Variants in HERC2 observed in about 807,000 individuals in gnomAD.
The protein encoded by HERC2 is E3 ubiquitin-protein ligase HERC2.
HERC2 carries 102 observed loss-of-function variants against 537.7 expected under a neutral mutation model. The observed-to-expected ratio is 0.19, with a 90% CI of 0.16 to 0.22. The LOEUF (loss-of-function observed/expected upper bound fraction) is 0.22, where lower values mean the gene tolerates loss of function less well. HERC2 is among the 10% of genes least tolerant of loss of function. HERC2 has a pLI of 1.00. For missense variants in HERC2, 4,236 were observed against 6,198.2 expected, an observed-to-expected ratio of 0.68 and a Z score of 10.63; for synonymous variants, 2,224 against 2,466.2, an observed-to-expected ratio of 0.90 and a Z score of 2.91.
At chr15:28,318,201 A>G (rs1376279943) in intron 2 of HERC2, among the ~76,000 whole-genome samples, 2 of 152,190 alleles carry the variant, frequency 1.3e-5, no homozygotes, top group African/African-American at 2.4e-5. Context: ...CAATCACATC[A>G]GATTACAAGT....
chr15:28,159,827 G>T (rs1268222175), intron 69 of HERC2, among the ~76,000 whole-genome samples: 2 of 152,182 alleles, frequency 1.3e-5, no homozygotes, highest in Non-Finnish European at 2.9e-5. Context: ...AGAATTTTCA[G>T]TTTTTCTGCT....
intron 3 of HERC2, among the ~76,000 whole-genome samples, chr15:28,295,423 T>A (rs189450547): frequency 6.6e-6 from 1 of 152,182 alleles, no homozygotes; most frequent in African/African-American, 2.4e-5. Flanking sequence ...GTATTTTACT[T>A]TTGTTGTTCT....
Position 28,268,325 on chromosome 15 carries a change from A to G in HERC2, c.1598+140T>C. ...TAAGCCATCACCAAGGAGGAGGCAT[A>G]TCGTAGTGTCCTGCTCCATCCCAGC... On this transcript the variant is annotated intron_variant, in intron 12 of 92. Transcript: ENST00000261609. The surrounding 1 kb of genome is among the most constrained non-coding windows in gnomAD (Gnocchi z 4.7). The G allele has an allele frequency of 1.5e-6, 1 of 662,976 alleles. No individual in the cohort carries two copies. The highest frequency in any genetic ancestry group is 2.4e-6 in the Non-Finnish European group (1 of 409,038). The allele number at this position is 662,976 out of a possible 1,614,324, so 41.1% of individuals were successfully genotyped here.
Position 28,121,338 on chromosome 15 carries a change from T to C in HERC2, c.13272+8A>G, listed in dbSNP as rs377265260. ...TGTCAGACTTGGAGAGTAATCTCCA[T>C]GTGCTACCTGGATGCGGTTCAGCTC... On this transcript the variant is annotated splice_region_variant and intron_variant, in intron 86 of 92. Coordinates refer to ENST00000261609, the MANE Select transcript of HERC2 (RefSeq NM_004667.6). 58 of 1,609,322 alleles carry C rather than the reference T, an allele frequency of 3.6e-5. No individual in the cohort carries two copies. The highest frequency in any genetic ancestry group is 5.3e-5 in the African/African-American group (4 of 74,836).
chr15:28,148,613 C>CA (rs977248628), intron 70 of HERC2, among the ~76,000 whole-genome samples: 1 of 151,638 alleles, frequency 6.6e-6, no homozygotes, highest in Non-Finnish European at 1.5e-5. Context: ...GTGAAATCAC[C>CA]AAAAAAACAC....
rs141168688 is a variant in HERC2, at chr15:28,282,342, T to C, written c.323-2055A>G. ...TCTAAAACCAAATTTTAAACAGTTA[T>C]AGAAATACCACGATGAAAGATGTTG... On this transcript the variant is annotated intron_variant, in intron 4 of 92. Transcript: ENST00000261609. Among the ~76,000 whole-genome samples the C allele has an allele frequency of 4.2e-3, 641 of 152,126 alleles. 4 individuals are homozygous for C. The highest frequency in any genetic ancestry group is 0.015 in the African/African-American group (611 of 41,488).
chr15:28,238,473 G>A lies in HERC2; in HGVS notation c.3748+129C>T, dbSNP rs57727285. ...TGAATTTGTTGATAAGACAGACATC[G>A]AAGCCACAGATACATTAAAATATGT... On this transcript the variant is annotated intron_variant, in intron 24 of 92. Transcript: ENST00000261609. 4,061 of 754,632 alleles carry A rather than the reference G, an allele frequency of 5.4e-3. 115 individuals carry two copies. The African/African-American group carries it at 0.065, about 12-fold the overall frequency. 46.7% of individuals were successfully genotyped at this position (754,632 alleles called of 1,614,324 possible).
chr15:28,319,169 G>A (rs1405675344), intron 2 of HERC2, among the ~76,000 whole-genome samples: 1 of 152,184 alleles, frequency 6.6e-6, no homozygotes, highest in Non-Finnish European at 1.5e-5. Context: ...CAATGCTGGT[G>A]GAACATAAAA....
At position 28,256,118 on chromosome 15, in the gene HERC2, C is replaced by T. The variant is rs565043768; in HGVS notation, c.2717G>A (p.Arg906Gln). ...VLLPTAEERA[R>Q]ALSALLPCAV... ...GCAGGGCAGGAGAGCAGAGAGTGCCCGGGCCCGCTCCTCCGCGGTGGGCAG... is the reference window on the plus strand; with the variant it reads ...GCAGGGCAGGAGAGCAGAGAGTGCCTGGGCCCGCTCCTCCGCGGTGGGCAG... The change falls in exon 18 of 93, where the codon CGG (arginine) becomes CAG (glutamine). Residue 906 changes from arginine to glutamine, a missense_variant. Physicochemically the swap from Arg to Gln is conservative, Grantham distance 43 (BLOSUM62 1). Coordinates refer to ENST00000261609, the MANE Select transcript of HERC2 (RefSeq NM_004667.6). 1.1e-5 allele frequency: 17 copies of T among 1,602,320 alleles called. No homozygotes were observed. The highest frequency in any genetic ancestry group is 2.2e-5 in the East Asian group (1 of 44,858).
At chr15:28,316,280 T>C (rs2077083772) in intron 2 of HERC2, among the ~76,000 whole-genome samples, 2 of 148,790 alleles carry the variant, frequency 1.3e-5, no homozygotes, top group African/African-American at 4.9e-5. Flanking sequence ...GGCTAAACCC[T>C]TTTCCTTTTT....
At chr15:28,192,861 C>T (rs1445807762) in intron 52 of HERC2, among the ~76,000 whole-genome samples, 1 of 152,084 alleles carries the variant, frequency 6.6e-6, no homozygotes, top group African/African-American at 2.4e-5. Context: ...GAAATACAAC[C>T]CACACTTGGA....
intron 78 of HERC2, 119 bp downstream of exon 78, chr15:28,141,313 T>C: frequency 1.4e-6 from 1 of 733,482 alleles, no homozygotes; most frequent in South Asian, 1.7e-5. Flanking sequence ...TACCACAGTA[T>C]CATTAATCCT....
At chr15:28,289,983 A>G (rs2076269564) in intron 4 of HERC2, among the ~76,000 whole-genome samples, 1 of 152,046 alleles carries the variant, frequency 6.6e-6, no homozygotes, top group Non-Finnish European at 1.5e-5. Flanking sequence ...AACACACCTC[A>G]GTGAGAGGTC....
At chr15:28,182,615 G>T in intron 56 of HERC2, 103 bp from the exon 57 acceptor site, 1 of 874,332 alleles carries the variant, frequency 1.1e-6, no homozygotes, top group Non-Finnish European at 1.7e-6. Context: ...AAAGTTTTAT[G>T]GTTACTTTCA....
At chr15:28,148,822 A>G (rs1892055351) in intron 70 of HERC2, among the ~76,000 whole-genome samples, 2 of 152,204 alleles carry the variant, frequency 1.3e-5, no homozygotes, top group South Asian at 4.1e-4. Flanking sequence ...CATTCTAGTA[A>G]AACTACTGAT....
intron 52 of HERC2, among the ~76,000 whole-genome samples, chr15:28,192,981 T>A (rs952615865): frequency 2.6e-5 from 4 of 151,970 alleles, no homozygotes; most frequent in Non-Finnish European, 5.9e-5. Context: ...TCTCAATCAA[T>A]GAATGCTGAT....
intron 86 of HERC2, chr15:28,117,457 A>G: frequency 1.5e-6 from 1 of 656,848 alleles, no homozygotes; most frequent in South Asian, 1.5e-5. Flanking sequence ...CCACGTCCAC[A>G]GCTGCGGCCC....
Position 28,111,682 on chromosome 15 carries a change from C to CCAGGCAGCCTACAGTCTA in HERC2, c.*63_*80dup. 1 of 1,475,738 alleles carries CCAGGCAGCCTACAGTCTA rather than the reference C, an allele frequency of 6.8e-7. No homozygotes were observed. The highest frequency in any genetic ancestry group is 9.3e-7 in the Non-Finnish European group (1 of 1,076,236). The allele number at this position is 1,475,738 out of a possible 1,614,324, so 91.4% of individuals were successfully genotyped here. On this transcript the variant is annotated 3_prime_UTR_variant, in exon 93 of 93. Coordinates refer to ENST00000261609, the MANE Select transcript of HERC2 (RefSeq NM_004667.6). ...GGACGGACGCTTCTCATCAGACACA[C>CCAGGCAGCCTACAGTCTA]CAGGCAGCCTACAGTCTACACAGCA...
intron 2 of HERC2, among the ~76,000 whole-genome samples, chr15:28,318,062 T>C (rs889346345): frequency 2.6e-5 from 4 of 152,274 alleles, no homozygotes; most frequent in Middle Eastern, 3.4e-3. Flanking sequence ...CTCAAAGACA[T>C]GCGCCTTTAC....
Sources: gnomAD v4.1 joint callset for allele counts (sites outside exome capture counted in the v4.1 genomes callset) on GRCh38, gnomAD v4.1.1 for gene constraint, Gnocchi (gnomAD v3.1) non-coding constraint, MANE v1.5 for transcripts, NCBI Gene and HGNC (gene_info 2026-07-23, HGNC 2026-07-21) for gene names.